The following GSDMC variants were observed in gnomAD, a reference collection of about 807,000 sequenced individuals.
The protein encoded by GSDMC is gasdermin C.
In GSDMC, 59 loss-of-function variants were observed where a neutral mutation model predicts 58.0. The ratio of observed to expected loss-of-function variants is 1.02; its 90% confidence interval spans 0.82 to 1.26. GSDMC has a LOEUF of 1.26. GSDMC is among the 50% of genes most tolerant of loss of function. The pLI is 0.00. For missense variants in GSDMC, 659 were observed against 598.5 expected, an observed-to-expected ratio of 1.10 and a Z score of -1.06; for synonymous variants, 241 against 220.2, an observed-to-expected ratio of 1.09 and a Z score of -0.83.
chr8:129,752,929 C>A, intron 6 of GSDMC, 109 bp from the exon 7 acceptor site: 2 of 1,527,666 alleles, frequency 1.3e-6, no homozygotes, highest in South Asian at 1.2e-5. Flanking sequence ...TGCCAGTGCA[C>A]GAAGGGAGCA....
At chr8:129,722,221 C>T in the GSDMC span, among the ~76,000 whole-genome samples, 4 of 152,090 alleles carry the variant, frequency 2.6e-5, no homozygotes, top group South Asian at 4.1e-4. Context: ...CTACGGTGCT[C>T]GGGGAATAGC....
At chr8:129,778,764 GAA>G (rs57864141) in intron 1 of GSDMC, among the ~76,000 whole-genome samples, 19,938 of 141,222 alleles carry the variant, frequency 0.14, 1,583 homozygotes, top group Admixed American at 0.19. Flanking sequence ...CAATTTACAA[GAA>G]AAAAAAAAAA....
intron 3 of GSDMC, among the ~76,000 whole-genome samples, chr8:129,774,449 G>A (rs574022703): frequency 4.5e-4 from 67 of 150,188 alleles, no homozygotes; most frequent in Admixed American, 1.9e-3. Context: ...AACATTTTTA[G>A]AAGAAAATAC....
At chr8:129,710,033 C>T in the GSDMC span, among the ~76,000 whole-genome samples, 5,364 of 152,332 alleles carry the variant, frequency 0.035, 140 homozygotes, top group Middle Eastern at 0.12. Context: ...GCATGACACA[C>T]AGTTGGTAAT....
At chr8:129,719,684 C>T in the GSDMC span, among the ~76,000 whole-genome samples, 19 of 152,294 alleles carry the variant, frequency 1.2e-4, no homozygotes, top group Admixed American at 9.8e-4. Flanking sequence ...GTGGCTCACA[C>T]CTGTAATTCC....
At chr8:129,729,194 G>A in the GSDMC span, 1 of 655,474 alleles carries the variant, frequency 1.5e-6, no homozygotes, top group Non-Finnish European at 2.9e-6. Context: ...GCAATAAGCT[G>A]CATTTAAAAG....
rs2033833375 is a variant in GSDMC, at chr8:129,765,723, T to A, written c.475A>T (p.Thr159Ser). ...RRRGDNLYVV[T>S]EAVELINNTV... ...TTGTTGATCAGTTCAACAGCCTCTG[T>A]CACCACGTACAGGTTGTCCCCTCTC... Residue 159 changes from threonine (T) to serine (S), a missense_variant, in exon 4 of 14, where the codon ACA becomes TCA. By Grantham distance (58) the Thr-to-Ser change is moderately conservative (BLOSUM62 1). Transcript: ENST00000276708. 2 of 1,612,720 alleles carry A rather than the reference T, an allele frequency of 1.2e-6. No homozygotes were observed. The highest frequency in any genetic ancestry group is 1.7e-6 in the Non-Finnish European group (2 of 1,178,782).
the GSDMC span, among the ~76,000 whole-genome samples, chr8:129,714,098 GC>G: frequency 6.6e-6 from 1 of 152,194 alleles, no homozygotes; most frequent in Non-Finnish European, 1.5e-5. Context: ...GGGAGTGACA[GC>G]CTAAAGCAAT....
chr8:129,736,676 C>T, the GSDMC span, among the ~76,000 whole-genome samples: 31 of 152,254 alleles, frequency 2.0e-4, no homozygotes, highest in African/African-American at 6.3e-4. Flanking sequence ...AACCCACAGC[C>T]AATATCATAC....
intron 11 of GSDMC, 46 bp downstream of exon 11, chr8:129,750,385 C>G: frequency 6.3e-7 from 1 of 1,576,088 alleles, no homozygotes. Flanking sequence ...CTAACCAATC[C>G]CATTTACAGC....
chr8:129,760,642 A>AGTCTT (rs6150812), intron 5 of GSDMC, 53 bp from the exon 6 acceptor site: 528 of 1,015,812 alleles, frequency 5.2e-4, no homozygotes, highest in Non-Finnish European at 6.7e-4. Context: ...TTCCTGCCTG[A>AGTCTT]ACCTAGACCA....
the GSDMC span, among the ~76,000 whole-genome samples, chr8:129,728,024 C>T: frequency 7.6e-3 from 1,164 of 152,212 alleles, 17 homozygotes; most frequent in African/African-American, 0.026. Flanking sequence ...AGACAGAAAT[C>T]CAGGCATTCA....
chr8:129,755,341 C>A (rs930083793), intron 6 of GSDMC, among the ~76,000 whole-genome samples: 27 of 151,932 alleles, frequency 1.8e-4, no homozygotes, highest in Non-Finnish European at 3.7e-4. Flanking sequence ...GAAAAAAAAA[C>A]CTTTTATCCT....
At chr8:129,716,500 G>A in the GSDMC span, among the ~76,000 whole-genome samples, 2 of 152,188 alleles carry the variant, frequency 1.3e-5, no homozygotes, top group South Asian at 2.1e-4. Context: ...TGGCTTATCA[G>A]CTTAAGGAGA....
At chr8:129,757,882 C>T (rs1015107852) in intron 6 of GSDMC, among the ~76,000 whole-genome samples, 1 of 152,016 alleles carries the variant, frequency 6.6e-6, no homozygotes, top group African/African-American at 2.4e-5. Context: ...GTCCTAGCTA[C>T]TTGGGGGCTG....
rs778252824 is a variant in GSDMC at position 129,749,533 on chromosome 8, T to A, written c.1214-8A>T. The A allele has an allele frequency of 4.3e-6, 7 of 1,609,252 alleles. No homozygotes were observed. Among genetic ancestry groups the A allele is most frequent in the Non-Finnish European group, 6.0e-6 (7 of 1,176,010 alleles). The stretch of plus-strand genomic sequence containing the variant: ...GTTGGAAGTCACTCAGCACTGAGGG[T>A]GGGGGACATGTGGGGAAAGACAGTA... On this transcript the variant is annotated splice_polypyrimidine_tract_variant and splice_region_variant and intron_variant, in intron 12 of 13. Transcript: ENST00000276708.
Position 129,748,551 on chromosome 8 carries a change from A to T in GSDMC, c.1477T>A (p.Ser493Thr). 1 of 1,613,644 alleles carries T rather than the reference A, an allele frequency of 6.2e-7. No individual in the cohort carries two copies. Among genetic ancestry groups the T allele is most frequent in the Non-Finnish European group, 8.5e-7 (1 of 1,179,748 alleles). ...TWDVEAKMPL[S>T]ALYGTLSLLQ... ...AACGAGAGAGTCCCATAGAGGGCAG[A>T]CAGGGGCATCTTTGCTTCTACATCC... The change falls in exon 14 of 14, where the codon TCT becomes ACT. Residue 493 changes from serine to threonine, a missense_variant. By Grantham distance (58) the Ser-to-Thr change is moderately conservative (BLOSUM62 1). Transcript: ENST00000276708.
chr8:129,708,043 T>C, the GSDMC span, among the ~76,000 whole-genome samples: 1 of 152,184 alleles, frequency 6.6e-6, no homozygotes, highest in East Asian at 1.9e-4. Context: ...AATGGCATGG[T>C]GAGGTACTGT....
At chr8:129,781,524 C>G (rs538517390) in intron 1 of GSDMC, among the ~76,000 whole-genome samples, 1 of 152,262 alleles carries the variant, frequency 6.6e-6, no homozygotes, top group East Asian at 1.9e-4. Context: ...ACGGGCAGAT[C>G]ACGAGGTCAG....
Sources: allele counts gnomAD v4.1 joint callset (sites outside exome capture counted in the v4.1 genomes callset), GRCh38; gene constraint gnomAD v4.1.1; transcripts MANE v1.5; gene names NCBI Gene and HGNC (gene_info 2026-07-23, HGNC 2026-07-21).